The following SOCS4 variants were observed in gnomAD, a reference collection of about 807,000 sequenced individuals.
The protein encoded by SOCS4 is SH2 domain containing SOCS box protein.
SOCS4 carries 20 observed loss-of-function variants against 34.1 expected under a neutral mutation model. The observed-to-expected ratio is 0.59, with a 90% CI of 0.41 to 0.85. The LOEUF is 0.85. Among genes scored for constraint, SOCS4 ranks in the 40% least tolerant of loss-of-function variants. The probability of loss-of-function intolerance (pLI) is 0.00; values close to 1 mark genes in which losing one functional copy is unlikely to be tolerated. For missense variants in SOCS4, 479 were observed against 532.4 expected (o/e 0.90, Z 0.99); for synonymous variants, 180 against 186.4 (o/e 0.97, Z 0.28).
chr14:55,044,115 T>A lies in SOCS4; in HGVS notation c.1074T>A (p.Thr358=), dbSNP rs1443733374. ...DPCVFHSPDI[T]GLLEHYKDPS... is the part of the protein sequence containing the mutation. Reference sequence around the variant, plus strand: ...GTGTCTTCCATTCTCCTGACATTACTGGGCTCCTAGAACATTATAAGGACC... The same window carrying A: ...GTGTCTTCCATTCTCCTGACATTACAGGGCTCCTAGAACATTATAAGGACC... The change falls in exon 3 of 3, where the codon ACT becomes ACA. Residue 358 remains threonine (T), a synonymous_variant. Coordinates refer to ENST00000555846, the MANE Select transcript of SOCS4 (RefSeq NM_199421.2). 8 of 1,614,066 alleles carry A rather than the reference T, an allele frequency of 5.0e-6. No homozygotes were observed. In the Admixed American group the frequency reaches 1.2e-4, roughly 24 times the overall value.
At position 55,034,615 on chromosome 14, in the gene SOCS4, C is replaced by CCT. The variant is rs113031565; in HGVS notation, c.-91+2624_-91+2625insCT. The stretch of plus-strand genomic sequence containing the variant: ...TTGGGAGGCCGAGGCAGGTGGATCA[C>CCT]GAGGTCAGGAGTTCAAGACCAGCCT... On this transcript the variant is annotated intron_variant, in intron 2 of 2. Coordinates refer to ENST00000555846, the MANE Select transcript of SOCS4 (RefSeq NM_199421.2). 1.1e-4 allele frequency among the ~76,000 whole-genome samples: 16 copies of CCT among 151,984 alleles called. 1 individual carries two copies. Among genetic ancestry groups the CCT allele is most frequent in the African/African-American group, 3.4e-4 (14 of 41,496 alleles).
intron 2 of SOCS4, 33 bp from the exon 3 acceptor site, chr14:55,042,918 CA>C: frequency 1.2e-6 from 1 of 834,656 alleles, no homozygotes; most frequent in South Asian, 1.9e-5. Context: ...AGGTAGATGA[CA>C]AATGGTTAAT....
intron 1 of SOCS4, among the ~76,000 whole-genome samples, chr14:55,027,934 C>T (rs1352415882): frequency 6.6e-6 from 1 of 152,232 alleles, no homozygotes; most frequent in Non-Finnish European, 1.5e-5. Context: ...TTGATCCATG[C>T]AATATCTGCT....
intron 1 of SOCS4, among the ~76,000 whole-genome samples, chr14:55,029,056 TA>T (rs2042503963): frequency 6.6e-6 from 1 of 152,212 alleles, no homozygotes; most frequent in Non-Finnish European, 1.5e-5. Flanking sequence ...TTTCAAATAT[TA>T]AAAAATGTAT....
chr14:55,038,315 C>T (rs1462521688), intron 2 of SOCS4, among the ~76,000 whole-genome samples: 1 of 152,124 alleles, frequency 6.6e-6, no homozygotes, highest in Non-Finnish European at 1.5e-5. Flanking sequence ...GTCTGATAAC[C>T]CAGGAGTGTT....
intron 2 of SOCS4, among the ~76,000 whole-genome samples, chr14:55,036,893 T>A (rs1232860927): frequency 1.3e-5 from 2 of 151,892 alleles, no homozygotes; most frequent in Admixed American, 1.3e-4. Flanking sequence ...GGTGGGCAGA[T>A]CACTTGAGCC....
chr14:55,039,746 A>C (rs77745243), intron 2 of SOCS4, among the ~76,000 whole-genome samples: 1 of 152,234 alleles, frequency 6.6e-6, no homozygotes, highest in South Asian at 2.1e-4. Flanking sequence ...ACAAAAAAAA[A>C]TTATCCGGGC....
intron 1 of SOCS4, chr14:55,027,720 C>T (rs1450381482): frequency 6.6e-6 from 1 of 152,080 alleles, no homozygotes; most frequent in African/African-American, 2.4e-5. Flanking sequence ...GAAGGAATGA[C>T]TTAATTTCTG....
chr14:55,034,697 G>A (rs973211469), intron 2 of SOCS4, among the ~76,000 whole-genome samples: 57 of 151,864 alleles, frequency 3.8e-4, no homozygotes, highest in Non-Finnish European at 7.4e-4. Context: ...TTAGCCAGGC[G>A]CGGTGGCAGG....
chr14:55,036,594 T>G (rs1274684060), intron 2 of SOCS4, among the ~76,000 whole-genome samples: 1 of 152,128 alleles, frequency 6.6e-6, no homozygotes, highest in Non-Finnish European at 1.5e-5. Flanking sequence ...TCCACCCGTC[T>G]CGGCCTCCCA....
At chr14:55,037,587 G>A (rs1295604377) in intron 2 of SOCS4, among the ~76,000 whole-genome samples, 9 of 151,728 alleles carry the variant, frequency 5.9e-5, no homozygotes, top group African/African-American at 2.2e-4. Context: ...TCCGCCTCCC[G>A]GATTCAAGCG....
Position 55,027,335 on chromosome 14 carries a change from GC to G in SOCS4, c.-355del. On this transcript the variant is annotated 5_prime_UTR_variant, in exon 1 of 3. It removes the in-frame stop codon of an upstream open reading frame in the 5' UTR. Transcript: ENST00000555846. ...AAGCGGGGTTGGGGGTGGCAGAAAAGCATCTGCTTTGTAAGACCTACACGAG... is the reference window on the plus strand; with the variant it reads ...AAGCGGGGTTGGGGGTGGCAGAAAAGATCTGCTTTGTAAGACCTACACGAG... 5.7e-6 allele frequency: 1 copy of G among 174,066 alleles called. No individual in the cohort carries two copies. Among genetic ancestry groups the G allele is most frequent in the Non-Finnish European group, 1.2e-5 (1 of 80,318 alleles). 10.8% of individuals were successfully genotyped at this position (174,066 alleles called of 1,614,324 possible).
intron 2 of SOCS4, among the ~76,000 whole-genome samples, chr14:55,032,572 T>G (rs1004743246): frequency 2.0e-5 from 3 of 152,010 alleles, no homozygotes; most frequent in African/African-American, 7.2e-5. Flanking sequence ...CCCAGGGCAA[T>G]GTAACATAGC....
chr14:55,044,036 A>T lies in SOCS4; in HGVS notation c.995A>T (p.His332Leu). Reference protein sequence around the residue: ...VSFRRYSRSLHARIEQWNHNF... With the variant: ...VSFRRYSRSLLARIEQWNHNF... ...TTTAGACGCTATAGTCGTTCTCTTC[A>T]TGCTAGAATTGAACAGTGGAATCAC... Residue 332 changes from histidine (H) to leucine (L), a missense_variant, in exon 3 of 3, where the codon CAT (histidine) becomes CTT (leucine). Transcript: ENST00000555846. 2 of 1,614,154 alleles carry T rather than the reference A, an allele frequency of 1.2e-6. No homozygotes were observed. The highest frequency in any genetic ancestry group is 1.7e-6 in the Non-Finnish European group (2 of 1,180,006).
rs948536202 is a variant in SOCS4 at position 55,048,484 on chromosome 14, A to G, written c.*4120A>G. On this transcript the variant is annotated 3_prime_UTR_variant, in exon 3 of 3. Transcript: ENST00000555846. ...TACTGTTTCTACTTTGGGGGAAAAA[A>G]GTCAGTTTTACATTTGTAATTTAAG... The G allele has an allele frequency of 7.8e-5, 13 of 167,088 alleles. No individual in the cohort carries two copies. The highest frequency in any genetic ancestry group is 1.5e-4 in the Non-Finnish European group (10 of 68,116). The allele number at this position is 167,088 out of a possible 1,614,324, so 10.4% of individuals were successfully genotyped here. A position where few individuals can be genotyped will look rare whatever the true frequency, so the allele number is the denominator to read the frequency against.
Position 55,044,317 on chromosome 14 carries a change from T to G in SOCS4, c.1276T>G (p.Ser426Ala). Residue 426 changes from serine to alanine, a missense_variant, in exon 3 of 3, where the codon TCA becomes GCA. Coordinates refer to ENST00000555846, the MANE Select transcript of SOCS4 (RefSeq NM_199421.2). ...KLYLKEYHYK[S>A]KVRVLRIDAP... Reference sequence around the variant, plus strand: ...ATATCTGAAGGAATATCATTATAAATCAAAAGTTAGAGTACTCAGGATTGA... The same window carrying G: ...ATATCTGAAGGAATATCATTATAAAGCAAAAGTTAGAGTACTCAGGATTGA... 6.2e-7 allele frequency: 1 copy of G among 1,613,570 alleles called. No individual in the cohort carries two copies.
In SOCS4 at chr14:55,048,257, C is replaced by G. The variant is rs2042694590; in HGVS notation, c.*3893C>G. On this transcript the variant is annotated 3_prime_UTR_variant, in exon 3 of 3. Transcript: ENST00000555846. Reference sequence around the variant, plus strand: ...ACGCTTACTTTTCATTAAAATATTTCTTGTCGCTTTTAGCTATTGTCAGAA... The same window carrying G: ...ACGCTTACTTTTCATTAAAATATTTGTTGTCGCTTTTAGCTATTGTCAGAA... The G allele has an allele frequency of 6.0e-6, 1 of 167,110 alleles. No individual in the cohort carries two copies. The highest frequency in any genetic ancestry group is 6.5e-5 in the Admixed American group (1 of 15,286). 10.4% of individuals were successfully genotyped at this position (167,110 alleles called of 1,614,324 possible).
rs568100458 is a variant in SOCS4, at chr14:55,047,936, T to C, written c.*3572T>C. ...CAAAAACCTTGAGATCTCTTTTTTT[T>C]TGAGACAGAGTCTCGCTGTTGTCAG... is the stretch of plus-strand genomic sequence containing the variant. On this transcript the variant is annotated 3_prime_UTR_variant, in exon 3 of 3. Coordinates refer to ENST00000555846, the MANE Select transcript of SOCS4 (RefSeq NM_199421.2). The C allele has an allele frequency of 9.0e-5, 15 of 167,220 alleles. No individual in the cohort carries two copies. The highest frequency in any genetic ancestry group is 2.6e-4 in the African/African-American group (11 of 41,592). The allele number at this position is 167,220 out of a possible 1,614,324, so 10.4% of individuals were successfully genotyped here.
At chr14:55,041,916 C>T (rs981104900) in intron 2 of SOCS4, among the ~76,000 whole-genome samples, 5 of 150,988 alleles carry the variant, frequency 3.3e-5, no homozygotes, top group African/African-American at 1.2e-4. Flanking sequence ...CTCAGCCTCC[C>T]GAGTAGCTGG....
Sources: gnomAD v4.1 joint callset for allele counts (sites outside exome capture counted in the v4.1 genomes callset) on GRCh38, gnomAD v4.1.1 for gene constraint, MANE v1.5 for transcripts, NCBI Gene and HGNC (gene_info 2026-07-23, HGNC 2026-07-21) for gene names.